Variants in CAMTA1 observed in about 807,000 individuals in gnomAD.
CAMTA1 encodes calmodulin binding transcription activator 1.
Under a neutral mutation model 170.9 loss-of-function variants are expected in CAMTA1, and 27 were observed. The ratio of observed to expected loss-of-function variants is 0.16; its 90% CI spans 0.12 to 0.22. The LOEUF is 0.22. Ranked by LOEUF, CAMTA1 falls within the 10% of genes least tolerant of loss-of-function variation. The pLI is 1.00. For synonymous variants in CAMTA1, 833 were observed against 891.5 expected, an observed-to-expected ratio of 0.93 and a Z score of 1.17; for missense variants, 1,619 against 2,217.2, an observed-to-expected ratio of 0.73 and a Z score of 5.42.
chr1:7,710,086 A>G (rs747260919), intron 11 of CAMTA1, among the ~76,000 whole-genome samples: 7 of 152,228 alleles, frequency 4.6e-5, no homozygotes, highest in Admixed American at 1.3e-4. Flanking sequence ...GGCCTGAAAG[A>G]GTTAAGATAC....
chr1:7,071,150 C>T (rs1638594831), intron 3 of CAMTA1, among the ~76,000 whole-genome samples: 1 of 152,170 alleles, frequency 6.6e-6, no homozygotes, highest in Non-Finnish European at 1.5e-5. Context: ...TCATCAGTGA[C>T]AAATGCACAG....
rs539652882 is a variant in CAMTA1 at position 7,641,501 on chromosome 1, G to T, written c.664+948G>T. Among the ~76,000 whole-genome samples the T allele has an allele frequency of 3.3e-5, 5 of 152,298 alleles. No individual in the cohort carries two copies. In the South Asian group the frequency reaches 1.0e-3, roughly 32 times the overall value. On this transcript the variant is annotated intron_variant, in intron 7 of 22. Coordinates refer to ENST00000303635, the MANE Select transcript of CAMTA1 (RefSeq NM_015215.4). The surrounding 1 kb of genome is among the most constrained non-coding windows in gnomAD (Gnocchi z 4.5). ...TCTGCGGCTGGGAGGAAAGGTGAAG[G>T]TCCTGTGCCTGGGAGGGCCCAGGCT...
intron 5 of CAMTA1, among the ~76,000 whole-genome samples, chr1:7,349,490 A>C (rs1328999373): frequency 6.6e-6 from 1 of 152,136 alleles, no homozygotes; most frequent in East Asian, 1.9e-4. Context: ...CCATGTGTGT[A>C]CTCTGGCTGC....
At chr1:6,897,433 A>C (rs545765899) in intron 3 of CAMTA1, among the ~76,000 whole-genome samples, 1 of 152,380 alleles carries the variant, frequency 6.6e-6, no homozygotes, top group Admixed American at 6.5e-5. Flanking sequence ...TAGTTAGTGC[A>C]AACTCAATAA....
intron 5 of CAMTA1, among the ~76,000 whole-genome samples, chr1:7,421,610 C>T (rs1036417558): frequency 6.6e-6 from 1 of 152,208 alleles, no homozygotes; most frequent in African/African-American, 2.4e-5. Flanking sequence ...GAGGTAACAA[C>T]GGCCTCCCCC....
chr1:7,130,791 ATC>A (rs901003354), intron 4 of CAMTA1, among the ~76,000 whole-genome samples: 2 of 152,158 alleles, frequency 1.3e-5, no homozygotes, highest in African/African-American at 4.8e-5. Flanking sequence ...CTATCCATAT[ATC>A]TCTCTTCTGC....
Position 7,634,295 on chromosome 1 carries a change from C to T in CAMTA1, c.511-6105C>T, listed in dbSNP as rs981827834. 6.6e-6 allele frequency among the ~76,000 whole-genome samples: 1 copy of T among 151,948 alleles called. No homozygotes were observed. Among genetic ancestry groups the T allele is most frequent in the East Asian group, 1.9e-4 (1 of 5,166 alleles). ...GGGAGAAATGGCAGAACTGGGTGATCGACTGGCCGTTGAGGGAGAGGGAGG... is the reference window on the plus strand; with the variant it reads ...GGGAGAAATGGCAGAACTGGGTGATTGACTGGCCGTTGAGGGAGAGGGAGG... On this transcript the variant is annotated intron_variant, in intron 6 of 22. Coordinates refer to ENST00000303635, the MANE Select transcript of CAMTA1 (RefSeq NM_015215.4). The surrounding 1 kb of genome is among the most constrained non-coding windows in gnomAD (Gnocchi z 6.2).
intron 4 of CAMTA1, among the ~76,000 whole-genome samples, chr1:7,125,413 A>T (rs562156230): frequency 1.3e-5 from 2 of 152,154 alleles, no homozygotes; most frequent in Non-Finnish European, 2.9e-5. Context: ...AGTTCCTGCA[A>T]TGTGAAAGTT....
intron 6 of CAMTA1, among the ~76,000 whole-genome samples, chr1:7,501,348 G>A (rs568143024): frequency 1.8e-4 from 27 of 152,328 alleles, no homozygotes; most frequent in African/African-American, 6.5e-4. Context: ...AACGGCCTTT[G>A]TTCCCGGGAT....
intron 5 of CAMTA1, among the ~76,000 whole-genome samples, chr1:7,332,326 G>T (rs2083085010): frequency 6.6e-6 from 1 of 152,106 alleles, no homozygotes; most frequent in African/African-American, 2.4e-5. Flanking sequence ...ATTATGTTTT[G>T]TCGGTAAACA....
intron 5 of CAMTA1, among the ~76,000 whole-genome samples, chr1:7,430,700 G>A (rs1316916909): frequency 8.5e-5 from 13 of 152,172 alleles, no homozygotes; most frequent in Admixed American, 8.5e-4. Context: ...AGAATAACCT[G>A]CCCCTTCCCT....
At chr1:7,469,653 G>A (rs1259828745) in intron 6 of CAMTA1, among the ~76,000 whole-genome samples, 2 of 152,172 alleles carry the variant, frequency 1.3e-5, no homozygotes, top group Non-Finnish European at 2.9e-5. Flanking sequence ...CCAGCCACCC[G>A]CTCCTCCAGG....
intron 7 of CAMTA1, among the ~76,000 whole-genome samples, chr1:7,654,810 C>CACACCTAT (rs1217284496): frequency 0.25 from 7,522 of 30,300 alleles, 707 homozygotes; most frequent in East Asian, 0.56. Context: ...CACACACCCA[C>CACACCTAT]ACACACCACA....
At chr1:6,955,741 C>T (rs1214867882) in intron 3 of CAMTA1, among the ~76,000 whole-genome samples, 1 of 152,164 alleles carries the variant, frequency 6.6e-6, no homozygotes, top group Admixed American at 6.5e-5. Flanking sequence ...CTGAGCCCCA[C>T]TGAGCTCTGA....
At chr1:7,380,533 T>A (rs1197816203) in intron 5 of CAMTA1, among the ~76,000 whole-genome samples, 1 of 152,168 alleles carries the variant, frequency 6.6e-6, no homozygotes, top group Non-Finnish European at 1.5e-5. Context: ...GAGATCATGC[T>A]GTTGCACTCC....
At chr1:7,376,730 C>A (rs553993333) in intron 5 of CAMTA1, among the ~76,000 whole-genome samples, 59 of 152,314 alleles carry the variant, frequency 3.9e-4, no homozygotes, top group African/African-American at 1.3e-3. Context: ...GGACTTGAAC[C>A]TGGCTCTGTC....
At chr1:7,276,296 TATATATA>T (rs1390327410) in intron 5 of CAMTA1, among the ~76,000 whole-genome samples, 1 of 14,208 alleles carries the variant, frequency 7.0e-5, no homozygotes, top group South Asian at 1.9e-3. Flanking sequence ...TATATATATA[TATATATA>T]TTTTTTTTTT....
chr1:6,797,140 T>C (rs1236246039), intron 1 of CAMTA1, among the ~76,000 whole-genome samples: 1 of 151,866 alleles, frequency 6.6e-6, no homozygotes, highest in Non-Finnish European at 1.5e-5. Context: ...CGTGATCTTG[T>C]GTCACTGCAG....
chr1:7,284,174 C>CTTATTA (rs1424647736), intron 5 of CAMTA1, among the ~76,000 whole-genome samples: 165 of 108,048 alleles, frequency 1.5e-3, no homozygotes, highest in East Asian at 2.4e-3. Context: ...TCTTCTTCTT[C>CTTATTA]TTCTTATTAT....
Sources: allele counts gnomAD v4.1 joint callset (sites outside exome capture counted in the v4.1 genomes callset), GRCh38; gene constraint gnomAD v4.1.1; non-coding constraint Gnocchi (gnomAD v3.1); transcripts MANE v1.5; gene names NCBI Gene and HGNC (gene_info 2026-07-23, HGNC 2026-07-21).